TOX: variants seen among roughly 807,000 people sequenced by gnomAD.
TOX encodes thymocyte selection-associated high mobility group box protein TOX.
A neutral mutation model predicts 53.7 loss-of-function variants in TOX; 11 were observed. The observed-to-expected ratio is 0.20, with a 90% CI of 0.13 to 0.34. The LOEUF (loss-of-function observed/expected upper bound fraction) is 0.34, where lower values mean the gene tolerates loss of function less well. Ranked by LOEUF, TOX falls within the 10% of genes least tolerant of loss-of-function variation. The probability of loss-of-function intolerance (pLI) is 1.00; values close to 1 mark genes in which losing one functional copy is unlikely to be tolerated. For synonymous variants in TOX, 225 were observed against 245.3 expected (o/e 0.92, Z 0.77); for missense variants, 570 against 664.6 (o/e 0.86, Z 1.56).
At chr8:58,874,388 T>C (rs999905795) in intron 3 of TOX, among the ~76,000 whole-genome samples, 3 of 151,974 alleles carry the variant, frequency 2.0e-5, no homozygotes, top group Admixed American at 2.0e-4. Context: ...GTGGTAAGAA[T>C]ATATGTGTTC....
intron 1 of TOX, among the ~76,000 whole-genome samples, chr8:59,085,295 T>C (rs1294141947): frequency 6.6e-6 from 1 of 152,276 alleles, no homozygotes; most frequent in Non-Finnish European, 1.5e-5. Flanking sequence ...TTAGTTCATC[T>C]ACATTAACTA....
chr8:58,910,937 G>A (rs368353874), intron 3 of TOX, among the ~76,000 whole-genome samples: 11 of 151,986 alleles, frequency 7.2e-5, no homozygotes, highest in Non-Finnish European at 1.3e-4. Flanking sequence ...CATGCACCTC[G>A]GATAACCAAA....
At chr8:59,065,488 CTA>C (rs1804073283) in intron 1 of TOX, among the ~76,000 whole-genome samples, 2 of 152,106 alleles carry the variant, frequency 1.3e-5, no homozygotes, top group Non-Finnish European at 2.9e-5. Flanking sequence ...TTCATATCGT[CTA>C]TGTTATTACT....
intron 1 of TOX, among the ~76,000 whole-genome samples, chr8:58,977,669 G>T (rs1813126705): frequency 2.0e-5 from 3 of 152,120 alleles, no homozygotes; most frequent in Non-Finnish European, 4.4e-5. Context: ...CCATTGTAGG[G>T]CTATTAATTG....
chr8:58,870,458 G>A (rs1811179107), intron 3 of TOX, among the ~76,000 whole-genome samples: 1 of 152,160 alleles, frequency 6.6e-6, no homozygotes, highest in Non-Finnish European at 1.5e-5. Flanking sequence ...TAAGATGTCA[G>A]TTCTTAACTT....
chr8:58,836,504 T>C (rs1563365887), intron 5 of TOX, among the ~76,000 whole-genome samples: 1 of 152,166 alleles, frequency 6.6e-6, no homozygotes, highest in Non-Finnish European at 1.5e-5. Flanking sequence ...TTCCTGTTCT[T>C]AAAGAAAACT....
At chr8:59,063,662 T>C (rs1585996569) in intron 1 of TOX, among the ~76,000 whole-genome samples, 1 of 152,064 alleles carries the variant, frequency 6.6e-6, no homozygotes, top group Non-Finnish European at 1.5e-5. Context: ...GACCTCGTGA[T>C]CCACCCGCCT....
At chr8:59,084,465 T>C (rs970940532) in intron 1 of TOX, among the ~76,000 whole-genome samples, 3 of 152,164 alleles carry the variant, frequency 2.0e-5, no homozygotes, top group Admixed American at 1.3e-4. Flanking sequence ...CATGCAAATA[T>C]CATGTTATTT....
At chr8:58,833,388 G>A (rs767915393) in intron 5 of TOX, among the ~76,000 whole-genome samples, 5 of 152,260 alleles carry the variant, frequency 3.3e-5, no homozygotes, top group East Asian at 3.9e-4. Flanking sequence ...AGCGGGACGA[G>A]CTCTTTTATT....
chr8:58,873,536 T>G (rs1811230919), intron 3 of TOX, among the ~76,000 whole-genome samples: 1 of 152,124 alleles, frequency 6.6e-6, no homozygotes, highest in East Asian at 1.9e-4. Flanking sequence ...CTCAACTGTC[T>G]TTTTAACCAA....
chr8:58,817,056 G>A (rs767542886), intron 6 of TOX, among the ~76,000 whole-genome samples: 3 of 152,062 alleles, frequency 2.0e-5, no homozygotes, highest in South Asian at 2.1e-4. Flanking sequence ...TCAGCCCCAC[G>A]TTCTGTCATT....
intron 2 of TOX, 103 bp downstream of exon 2, chr8:58,959,840 C>T (rs897645115): frequency 1.9e-5 from 22 of 1,187,492 alleles, no homozygotes; most frequent in Non-Finnish European, 1.7e-5. Context: ...TATGATTATT[C>T]CTGATTGCGG....
At chr8:58,937,994 C>T (rs1174213593) in intron 3 of TOX, among the ~76,000 whole-genome samples, 1 of 152,168 alleles carries the variant, frequency 6.6e-6, no homozygotes, top group African/African-American at 2.4e-5. Flanking sequence ...TGGAGTCATA[C>T]TTAATACTCA....
At chr8:58,911,047 CTT>C (rs1554529208) in intron 3 of TOX, among the ~76,000 whole-genome samples, 1 of 151,428 alleles carries the variant, frequency 6.6e-6, no homozygotes, top group Non-Finnish European at 1.5e-5. Flanking sequence ...TTAGTTCTCT[CTT>C]TTTTTTTCCT....
rs1373143416 is a variant in TOX, at chr8:58,806,886, C to A, written c.*861G>T. The A allele has an allele frequency of 1.2e-4, 19 of 152,460 alleles. No individual in the cohort carries two copies. The highest frequency in any genetic ancestry group is 1.2e-3 in the Admixed American group (19 of 15,274). The allele number at this position is 152,460 out of a possible 1,614,324, so 9.4% of individuals were successfully genotyped here. A position where few individuals can be genotyped will look rare whatever the true frequency, so the allele number is the denominator to read the frequency against. On this transcript the variant is annotated 3_prime_UTR_variant, in exon 9 of 9. Transcript: ENST00000361421. ...AGTATGAAGAAACAATAAGACAGAG[C>A]CATATGTAAAAGTTGTAATTTAGCT...
intron 1 of TOX, among the ~76,000 whole-genome samples, chr8:59,007,879 G>A (rs1021587890): frequency 1.3e-5 from 2 of 152,172 alleles, no homozygotes; most frequent in African/African-American, 4.8e-5. Flanking sequence ...GAGCCAGAAG[G>A]TAACCAATGA....
rs148800261 is a variant in TOX at position 59,021,463 on chromosome 8, C to CAAAA, written c.103-61459_103-61456dup. Among the ~76,000 whole-genome samples the CAAAA allele has an allele frequency of 4.1e-3, 282 of 69,604 alleles. 6 individuals carry two copies. The highest frequency in any genetic ancestry group is 0.01 in the African/African-American group (219 of 20,924). 45.7% of individuals were successfully genotyped at this position (69,604 alleles called of 152,430 possible). A position where few individuals can be genotyped will look rare whatever the true frequency, so the allele number is the denominator to read the frequency against. On this transcript the variant is annotated intron_variant, in intron 1 of 8. Coordinates refer to ENST00000361421, the MANE Select transcript of TOX (RefSeq NM_014729.3). ...GCCAGGCAACAGGTTTTTCTACAAG[C>CAAAA]AAAAAAAAAAAAAAAAAAATATATA...
chr8:59,003,011 T>G (rs1813723084), intron 1 of TOX, among the ~76,000 whole-genome samples: 1 of 152,218 alleles, frequency 6.6e-6, no homozygotes, highest in Non-Finnish European at 1.5e-5. Flanking sequence ...CAATATGTTT[T>G]TATATTTTTA....
chr8:59,018,175 T>G (rs1814050728), intron 1 of TOX, among the ~76,000 whole-genome samples: 1 of 152,202 alleles, frequency 6.6e-6, no homozygotes, highest in Non-Finnish European at 1.5e-5. Flanking sequence ...TGGTAAGGTT[T>G]TAAGGAAATC....
Sources: allele counts gnomAD v4.1 joint callset (sites outside exome capture counted in the v4.1 genomes callset), GRCh38; gene constraint gnomAD v4.1.1; transcripts MANE v1.5; gene names NCBI Gene and HGNC (gene_info 2026-07-23, HGNC 2026-07-21).